The following RPS6KC1 variants were observed in gnomAD, a reference collection of about 807,000 sequenced individuals.
RPS6KC1 encodes ribosomal protein S6 kinase C1, also known as inactive ribosomal protein S6 kinase delta-1.
Under a neutral mutation model 103.8 loss-of-function variants are expected in RPS6KC1, and 54 were observed. The observed-to-expected ratio is 0.52, with a 90% confidence interval of 0.42 to 0.65. The LOEUF (loss-of-function observed/expected upper bound fraction) is 0.65, where lower values mean the gene tolerates loss of function less well. RPS6KC1 is among the 30% of genes least tolerant of loss of function. RPS6KC1 has a pLI of 0.00. For missense variants in RPS6KC1, 1,151 were observed against 1,253.8 expected (o/e 0.92, Z 1.24); for synonymous variants, 439 against 438.7 (o/e 1.00, Z -0.01).
the RPS6KC1 span, among the ~76,000 whole-genome samples, chr1:213,427,764 G>A: frequency 3.9e-5 from 6 of 152,282 alleles, no homozygotes; most frequent in South Asian, 8.3e-4. Flanking sequence ...AAATGTTCTC[G>A]TGTTAGCTAT....
chr1:213,509,991 G>T, the RPS6KC1 span, among the ~76,000 whole-genome samples: 6 of 152,170 alleles, frequency 3.9e-5, no homozygotes, highest in South Asian at 4.1e-4. Context: ...CATCTGGGCA[G>T]ACTGATTCTC....
chr1:213,771,526 G>A, the RPS6KC1 span, among the ~76,000 whole-genome samples: 1 of 152,162 alleles, frequency 6.6e-6, no homozygotes, highest in Non-Finnish European at 1.5e-5. Context: ...CGGAGGAGAG[G>A]GAAATGGCTT....
chr1:213,763,205 G>C, the RPS6KC1 span, among the ~76,000 whole-genome samples: 2 of 152,164 alleles, frequency 1.3e-5, no homozygotes. Context: ...TGACGAAGCT[G>C]CCTCTGGGAG....
chr1:213,523,819 G>A, the RPS6KC1 span, among the ~76,000 whole-genome samples: 98,423 of 152,002 alleles, frequency 0.65, 33,933 homozygotes, highest in East Asian at 0.98. Flanking sequence ...CTAATCAGGG[G>A]ATTGGAAAGG....
the RPS6KC1 span, among the ~76,000 whole-genome samples, chr1:213,628,094 T>C: frequency 6.6e-6 from 1 of 152,234 alleles, no homozygotes; most frequent in Admixed American, 6.5e-5. Flanking sequence ...ATTGCCTCCA[T>C]TTCAGAGCCT....
intron 4 of RPS6KC1, 69 bp downstream of exon 4, chr1:213,104,638 A>G: frequency 1.2e-6 from 1 of 815,530 alleles, no homozygotes; most frequent in Admixed American, 2.6e-5. Context: ...AAAGTAAAAT[A>G]AAAAATGCCA....
In RPS6KC1 at chr1:213,188,277, A is replaced by G. The variant is rs59661999; in HGVS notation, c.1044+11785A>G. On this transcript the variant is annotated intron_variant, in intron 8 of 14. Transcript: ENST00000366960. ...GAACCTGGATGACCCCCTCAGTCTT[A>G]CCTTTTACAGTTATAGAAATGTAGT... Among the ~76,000 whole-genome samples, 392 of 151,964 alleles carry G rather than the reference A, an allele frequency of 2.6e-3. 2 individuals are homozygous for G. The highest frequency in any genetic ancestry group is 8.7e-3 in the African/African-American group (360 of 41,454).
the RPS6KC1 span, among the ~76,000 whole-genome samples, chr1:213,389,781 G>T: frequency 6.6e-6 from 1 of 152,096 alleles, no homozygotes; most frequent in Non-Finnish European, 1.5e-5. Context: ...GCATACAGAG[G>T]CACCCGAGCA....
At chr1:213,548,740 G>A in the RPS6KC1 span, among the ~76,000 whole-genome samples, 1 of 152,082 alleles carries the variant, frequency 6.6e-6, no homozygotes, top group Non-Finnish European at 1.5e-5. Context: ...GGGATGAGGA[G>A]GGACACACAG....
At chr1:213,807,109 C>T in the RPS6KC1 span, among the ~76,000 whole-genome samples, 5 of 152,298 alleles carry the variant, frequency 3.3e-5, no homozygotes, top group East Asian at 5.8e-4. Context: ...ATATTGGCCC[C>T]CACTCTCTTC....
chr1:213,638,931 C>T, the RPS6KC1 span, among the ~76,000 whole-genome samples: 1 of 152,042 alleles, frequency 6.6e-6, no homozygotes, highest in African/African-American at 2.4e-5. Flanking sequence ...AAATCTATAT[C>T]TCAATTTAGG....
At chr1:213,357,904 A>C in the RPS6KC1 span, among the ~76,000 whole-genome samples, 5 of 152,072 alleles carry the variant, frequency 3.3e-5, no homozygotes, top group Non-Finnish European at 7.4e-5. Flanking sequence ...ACCGCTTGGC[A>C]TGAGGCATAC....
At chr1:213,115,022 G>A (rs987674638) in intron 4 of RPS6KC1, among the ~76,000 whole-genome samples, 22 of 151,670 alleles carry the variant, frequency 1.5e-4, no homozygotes, top group African/African-American at 5.1e-4. Context: ...CTCTTTTTTT[G>A]TTGTGTCTCT....
chr1:213,185,991 A>G (rs1218889481), intron 8 of RPS6KC1, among the ~76,000 whole-genome samples: 2 of 151,846 alleles, frequency 1.3e-5, no homozygotes, highest in African/African-American at 4.8e-5. Flanking sequence ...AAAGGCAAAA[A>G]AAAAAACTAC....
chr1:213,743,969 G>A, the RPS6KC1 span, among the ~76,000 whole-genome samples: 1 of 152,130 alleles, frequency 6.6e-6, no homozygotes, highest in Non-Finnish European at 1.5e-5. Flanking sequence ...CAAAATAATG[G>A]CATTCACTGC....
the RPS6KC1 span, among the ~76,000 whole-genome samples, chr1:213,577,520 G>A: frequency 2.0e-5 from 3 of 152,218 alleles, no homozygotes; most frequent in Non-Finnish European, 2.9e-5. Context: ...AAGAAGATAC[G>A]AAGATGTGGG....
the RPS6KC1 span, among the ~76,000 whole-genome samples, chr1:213,734,871 G>A: frequency 7.9e-5 from 12 of 152,034 alleles, no homozygotes; most frequent in South Asian, 2.1e-4. Context: ...CTGTGGCATC[G>A]GCTGCCCTGT....
chr1:213,545,290 G>A, the RPS6KC1 span, among the ~76,000 whole-genome samples: 1 of 151,866 alleles, frequency 6.6e-6, no homozygotes, highest in Non-Finnish European at 1.5e-5. Context: ...AGAATCGCTT[G>A]AACCCAGGAG....
At chr1:213,766,656 A>G in the RPS6KC1 span, among the ~76,000 whole-genome samples, 1 of 152,032 alleles carries the variant, frequency 6.6e-6, no homozygotes, top group Admixed American at 6.6e-5. Flanking sequence ...AGTTAATTTT[A>G]CTGTTTCCTC....
Sources: allele counts gnomAD v4.1 joint callset (sites outside exome capture counted in the v4.1 genomes callset), GRCh38; gene constraint gnomAD v4.1.1; transcripts MANE v1.5; gene names NCBI Gene and HGNC (gene_info 2026-07-23, HGNC 2026-07-21).